CDC14A: variants seen among roughly 807,000 people sequenced by gnomAD.
The protein encoded by CDC14A is dual specificity protein phosphatase CDC14A.
In CDC14A, 53 loss-of-function variants were observed where a neutral mutation model predicts 74.4. The ratio of observed to expected loss-of-function variants is 0.71; its 90% CI spans 0.57 to 0.89. The LOEUF is 0.89. Ranked by LOEUF, CDC14A falls within the 40% of genes least tolerant of loss-of-function variation. CDC14A has a pLI of 0.00. For missense variants in CDC14A, 646 were observed against 713.7 expected, an observed-to-expected ratio of 0.91 and a Z score of 1.08; for synonymous variants, 247 against 258.4, an observed-to-expected ratio of 0.96 and a Z score of 0.43.
chr1:100,496,716 C>T (rs1036304170), intron 13 of CDC14A, among the ~76,000 whole-genome samples: 1 of 152,160 alleles, frequency 6.6e-6, no homozygotes, highest in Non-Finnish European at 1.5e-5. Flanking sequence ...TCTGGAGAAG[C>T]TTGAATTGCT....
chr1:100,463,239 G>GT (rs1052848464), intron 9 of CDC14A, among the ~76,000 whole-genome samples: 15 of 151,794 alleles, frequency 9.9e-5, no homozygotes, highest in East Asian at 5.8e-4. Context: ...TCTCTCCTTT[G>GT]TTTTTTTTCA....
chr1:100,349,383 C>T (rs1029878703), upstream of CDC14A, among the ~76,000 whole-genome samples: 1 of 152,080 alleles, frequency 6.6e-6, no homozygotes, highest in African/African-American at 2.4e-5. Flanking sequence ...TATCAAGTTT[C>T]GTGGTTGGAA....
At chr1:100,504,539 T>C (rs1204148317) in intron 15 of CDC14A, among the ~76,000 whole-genome samples, 4 of 152,202 alleles carry the variant, frequency 2.6e-5, no homozygotes, top group African/African-American at 9.6e-5. Flanking sequence ...GTGGCTAATA[T>C]TAAATAAAAC....
intron 15 of CDC14A, among the ~76,000 whole-genome samples, chr1:100,514,545 G>A (rs905557086): frequency 1.3e-5 from 2 of 152,108 alleles, no homozygotes; most frequent in African/African-American, 2.4e-5. Context: ...GCAAATGCTC[G>A]CTGTCTTGAG....
chr1:100,395,774 C>T (rs1015001630), intron 4 of CDC14A, among the ~76,000 whole-genome samples: 3 of 152,176 alleles, frequency 2.0e-5, no homozygotes, highest in Admixed American at 2.0e-4. Flanking sequence ...TGATCTGACC[C>T]TCTCTACCTC....
intron 2 of CDC14A, among the ~76,000 whole-genome samples, chr1:100,372,481 T>C (rs528447466): frequency 1.3e-5 from 2 of 152,362 alleles, no homozygotes; most frequent in South Asian, 4.1e-4. Flanking sequence ...ATTTCAATAA[T>C]ATTCACAGCA....
chr1:100,412,130 C>G (rs1660797387), intron 4 of CDC14A, among the ~76,000 whole-genome samples: 1 of 152,114 alleles, frequency 6.6e-6, no homozygotes, highest in African/African-American at 2.4e-5. Context: ...CTGTGGGTCT[C>G]TTAGGGAGCT....
At chr1:100,476,508 T>C (rs1668915287) in intron 10 of CDC14A, among the ~76,000 whole-genome samples, 1 of 152,166 alleles carries the variant, frequency 6.6e-6, no homozygotes, top group Non-Finnish European at 1.5e-5. Context: ...AAGACTAGGC[T>C]ATATAAGGCA....
chr1:100,368,582 T>C (rs1227522545), intron 2 of CDC14A, among the ~76,000 whole-genome samples: 1 of 152,254 alleles, frequency 6.6e-6, no homozygotes, highest in East Asian at 1.9e-4. Context: ...ACGAATTCTT[T>C]TTTAAAAAAT....
intron 10 of CDC14A, among the ~76,000 whole-genome samples, chr1:100,478,972 G>A (rs982674999): frequency 3.3e-5 from 5 of 152,116 alleles, no homozygotes. Context: ...GCTCCCAGGT[G>A]GTGTGCTGCT....
intron 5 of CDC14A, among the ~76,000 whole-genome samples, chr1:100,433,188 A>G (rs1024038927): frequency 3.9e-5 from 6 of 152,142 alleles, no homozygotes; most frequent in African/African-American, 1.4e-4. Context: ...TTTTTGCTTC[A>G]AAAGGTCAAT....
At chr1:100,419,308 C>T (rs1245673846) in intron 4 of CDC14A, among the ~76,000 whole-genome samples, 3 of 152,204 alleles carry the variant, frequency 2.0e-5, no homozygotes, top group African/African-American at 7.2e-5. Context: ...TTTTGAGATT[C>T]TGGGTCTGGC....
chr1:100,495,331 A>G (rs1218285008), intron 12 of CDC14A, among the ~76,000 whole-genome samples: 1 of 152,244 alleles, frequency 6.6e-6, no homozygotes, highest in African/African-American at 2.4e-5. Context: ...AATCTAAGCT[A>G]GTTCCTCAGC....
chr1:100,424,331 CT>C (rs767273304), intron 5 of CDC14A, 30 bp downstream of exon 5: 19 of 1,516,836 alleles, frequency 1.3e-5, no homozygotes, highest in Non-Finnish European at 1.7e-5. Flanking sequence ...TTGGGTTAAA[CT>C]TTTGCTACAG....
chr1:100,398,658 A>T (rs1658868589), intron 4 of CDC14A, among the ~76,000 whole-genome samples: 2 of 152,234 alleles, frequency 1.3e-5, no homozygotes, highest in Admixed American at 1.3e-4. Flanking sequence ...CTAGCTTAAA[A>T]TGTGGGACAG....
intron 3 of CDC14A, among the ~76,000 whole-genome samples, chr1:100,384,604 A>G (rs1053951998): frequency 6.6e-6 from 1 of 152,188 alleles, no homozygotes; most frequent in African/African-American, 2.4e-5. Context: ...CAGCTACTCA[A>G]TTCATGCTGA....
intron 3 of CDC14A, among the ~76,000 whole-genome samples, chr1:100,390,438 A>C (rs994864009): frequency 1.3e-5 from 2 of 152,208 alleles, no homozygotes; most frequent in African/African-American, 4.8e-5. Context: ...TAAATAGTCA[A>C]AAATGTTTCC....
intron 3 of CDC14A, among the ~76,000 whole-genome samples, chr1:100,386,835 A>G (rs573286573): frequency 1.3e-5 from 2 of 152,214 alleles, no homozygotes; most frequent in African/African-American, 4.8e-5. Flanking sequence ...CTTTGTCTGC[A>G]TGGTAAAGTT....
chr1:100,470,809 C>G (rs772417696), intron 10 of CDC14A, among the ~76,000 whole-genome samples: 3 of 152,060 alleles, frequency 2.0e-5, no homozygotes, highest in Non-Finnish European at 2.9e-5. Flanking sequence ...AAAATGCTGG[C>G]AAAGATATGG....
Sources: allele counts gnomAD v4.1 joint callset (sites outside exome capture counted in the v4.1 genomes callset), GRCh38; gene constraint gnomAD v4.1.1; transcripts MANE v1.5; gene names NCBI Gene and HGNC (gene_info 2026-07-23, HGNC 2026-07-21).